Variants in ATRX observed in about 807,000 individuals in gnomAD.
ATRX encodes the protein ATRX chromatin remodeler.
ATRX carries 12 observed loss-of-function variants against 172.6 expected under a neutral mutation model. The ratio of observed to expected loss-of-function variants is 0.07; its 90% confidence interval spans 0.04 to 0.11. The LOEUF is 0.11. Among genes scored for constraint, ATRX ranks in the 10% least tolerant of loss-of-function variants. The pLI is 1.00. For missense variants in ATRX, 1,368 were observed against 1,767.4 expected (o/e 0.77, Z 4.05); for synonymous variants, 674 against 594.7 (o/e 1.13, Z -1.94).
At position 77,676,211 on chromosome X, in the gene ATRX, C is replaced by G. The variant is rs1346173878; in HGVS notation, c.3809+15G>C. On this transcript the variant is annotated intron_variant, in intron 10 of 34. Transcript: ENST00000373344. Reference sequence around the variant, plus strand: ...TGTTATAATCTTTTTAAAGTCCTTACAGATGGAATCATACCTATTCTCAGG... The same window carrying G: ...TGTTATAATCTTTTTAAAGTCCTTAGAGATGGAATCATACCTATTCTCAGG... 2 of 1,196,044 alleles carry G rather than the reference C, an allele frequency of 1.7e-6. No homozygotes were observed. Among genetic ancestry groups the G allele is most frequent in the Non-Finnish European group, 2.3e-6 (2 of 884,938 alleles).
chrX:77,743,281 C>T (rs953681093), intron 1 of ATRX, among the ~76,000 whole-genome samples: 3 of 111,098 alleles, frequency 2.7e-5, no homozygotes, highest in African/African-American at 6.6e-5. Flanking sequence ...ACACAACTCA[C>T]TCCTGGGACC....
At chrX:77,652,755 C>T (rs1218901005) in intron 14 of ATRX, among the ~76,000 whole-genome samples, 2 of 104,751 alleles carry the variant, frequency 1.9e-5, no homozygotes, top group African/African-American at 7.0e-5. Context: ...CGCAGGGAGC[C>T]GAGATCGTGC....
intron 1 of ATRX, among the ~76,000 whole-genome samples, chrX:77,779,536 A>T (rs1293558194): frequency 9.0e-6 from 1 of 111,096 alleles, no homozygotes; most frequent in African/African-American, 3.3e-5. Context: ...ACATCCCCCA[A>T]ATTAGGCTTT....
Position 77,734,623 on chromosome X carries a change from C to G in ATRX, c.21-17380G>C, listed in dbSNP as rs550583899. On this transcript the variant is annotated intron_variant, in intron 1 of 34. Coordinates refer to ENST00000373344, the MANE Select transcript of ATRX (RefSeq NM_000489.6). ...CCAACATGGTGAAACCCCGTCTCTA[C>G]TAAAAATACAAAAATTAGCTGGGCA... Among the ~76,000 whole-genome samples, 7 of 106,799 alleles carry G rather than the reference C, an allele frequency of 6.6e-5. No individual in the cohort carries two copies. In the South Asian group the frequency reaches 2.9e-3, roughly 45 times the overall value. 92.7% of individuals were successfully genotyped at this position (106,799 alleles called of 115,157 possible). A position where few individuals can be genotyped will look rare whatever the true frequency, so the allele number is the denominator to read the frequency against.
intron 29 of ATRX, among the ~76,000 whole-genome samples, chrX:77,558,081 T>G (rs2064864540): frequency 9.0e-6 from 1 of 111,103 alleles, no homozygotes; most frequent in Non-Finnish European, 1.9e-5. Flanking sequence ...AAAATGCCTT[T>G]ATATCGTTTT....
chrX:77,616,487 A>G (rs782192266), intron 22 of ATRX, 126 bp downstream of exon 22: 3 of 1,181,362 alleles, frequency 2.5e-6, no homozygotes, highest in Non-Finnish European at 3.4e-6. Flanking sequence ...GCTTTTAAGC[A>G]TACCCATTTT....
chrX:77,739,875 C>T (rs2074774610), intron 1 of ATRX, among the ~76,000 whole-genome samples: 1 of 107,778 alleles, frequency 9.3e-6, no homozygotes. Context: ...CATGACGAAA[C>T]CCCATCTCTA....
rs1210714565 is a variant in ATRX at position 77,685,721 on chromosome X, C to G, written c.595-715G>C. On this transcript the variant is annotated intron_variant, in intron 7 of 34. Coordinates refer to ENST00000373344, the MANE Select transcript of ATRX (RefSeq NM_000489.6). ...CACAAAAGAAAGGAAATGAGTATAT[C>G]AAAGAGATACTGGCACTCCTATGAT... 2.7e-5 allele frequency among the ~76,000 whole-genome samples: 3 copies of G among 111,733 alleles called. No individual in the cohort carries two copies. The East Asian group carries it at 8.4e-4, about 31-fold the overall frequency.
At chrX:77,624,330 G>A (rs2067727335) in intron 19 of ATRX, among the ~76,000 whole-genome samples, 1 of 110,937 alleles carries the variant, frequency 9.0e-6, no homozygotes, top group African/African-American at 3.3e-5. Context: ...TCGCACCACT[G>A]CACTCCAGCC....
intron 30 of ATRX, among the ~76,000 whole-genome samples, chrX:77,539,552 G>A (rs1434167588): frequency 9.2e-6 from 1 of 108,827 alleles, no homozygotes; most frequent in Non-Finnish European, 1.9e-5. Flanking sequence ...GTGAGAAAAT[G>A]AATACGCTAA....
intron 1 of ATRX, among the ~76,000 whole-genome samples, chrX:77,774,639 C>T (rs1258408820): frequency 5.5e-5 from 6 of 108,479 alleles, no homozygotes; most frequent in African/African-American, 1.7e-4. Flanking sequence ...ATCGCGCCAC[C>T]GCACTCCAGC....
In ATRX at chrX:77,505,400, C is replaced by A. The variant is rs1232917149; in HGVS notation, c.*2951G>T. On this transcript the variant is annotated 3_prime_UTR_variant, in exon 35 of 35. Coordinates refer to ENST00000373344, the MANE Select transcript of ATRX (RefSeq NM_000489.6). The stretch of plus-strand genomic sequence containing the variant: ...TTTTCTATCAAGTGTGGGTTGGTAG[C>A]CCTGCTTGACTTAAAATGAGTGTTA... 5.8e-6 allele frequency: 1 copy of A among 172,277 alleles called. No homozygotes were observed. Among genetic ancestry groups the A allele is most frequent in the Admixed American group, 8.0e-5 (1 of 12,441 alleles). 14.2% of individuals were successfully genotyped at this position (172,277 alleles called of 1,213,427 possible). A position where few individuals can be genotyped will look rare whatever the true frequency, so the allele number is the denominator to read the frequency against.
At position 77,682,095 on chromosome X, in the gene ATRX, G is replaced by C. The variant is rs2148580445; in HGVS notation, c.3161C>G (p.Ser1054Cys). 1 of 1,209,388 alleles carries C rather than the reference G, an allele frequency of 8.3e-7. No homozygotes were observed. The change falls in exon 9 of 35, where the codon TCT (serine) becomes TGT (cysteine). Residue 1054 changes from serine (S) to cysteine (C), a missense_variant. By Grantham distance (112) the Ser-to-Cys change is moderately radical. Transcript: ENST00000373344. ...KKSKKIRDKT[S>C]KKKDELSDYA... ...ATCAGATAATTCATCCTTCTTTTTA[G>C]AAGTTTTATCTCTTATTTTTTTACT... is the stretch of plus-strand genomic sequence containing the variant.
At chrX:77,572,134 G>A (rs1196350323) in intron 28 of ATRX, among the ~76,000 whole-genome samples, 2 of 110,526 alleles carry the variant, frequency 1.8e-5, no homozygotes, top group Non-Finnish European at 3.8e-5. Context: ...AACATCTGTG[G>A]ATTTCATGTG....
At chrX:77,676,623 G>A (rs1487836003) in intron 9 of ATRX, among the ~76,000 whole-genome samples, 1 of 111,694 alleles carries the variant, frequency 9.0e-6, no homozygotes, top group Non-Finnish European at 1.9e-5. Flanking sequence ...AATAACCTTC[G>A]TACTGGTCCA....
chrX:77,571,967 G>C lies in ATRX; in HGVS notation c.6326+2283C>G, dbSNP rs183160370. 3.0e-3 allele frequency among the ~76,000 whole-genome samples: 333 copies of C among 111,600 alleles called. 1 individual carries two copies. Among genetic ancestry groups the C allele is most frequent in the Non-Finnish European group, 4.9e-3 (259 of 52,950 alleles). On this transcript the variant is annotated intron_variant, in intron 28 of 34. Transcript: ENST00000373344. ...TTCAGATTGCTTTGGCATAAACAAG[G>C]ATTATATTTATATCCTATTTACTGA... is the stretch of plus-strand genomic sequence containing the variant.
intron 15 of ATRX, among the ~76,000 whole-genome samples, chrX:77,650,526 G>A (rs782336607): frequency 8.9e-6 from 1 of 111,843 alleles, no homozygotes; most frequent in Non-Finnish European, 1.9e-5. Flanking sequence ...GGTAAGAGAT[G>A]TAACATCCAA....
At chrX:77,636,086 G>C (rs2148361664) in intron 15 of ATRX, 30 bp from the exon 16 acceptor site, 1 of 1,203,545 alleles carries the variant, frequency 8.3e-7, no homozygotes, top group Non-Finnish European at 1.1e-6. Context: ...TGATAGTTAA[G>C]CTCAAAGAAA....
intron 1 of ATRX, among the ~76,000 whole-genome samples, chrX:77,722,963 G>T (rs1482946777): frequency 1.8e-5 from 2 of 112,141 alleles, no homozygotes; most frequent in African/African-American, 6.5e-5. Flanking sequence ...TGATAGACTG[G>T]ATAAAGAAAA....
Sources: gnomAD v4.1 joint callset for allele counts (sites outside exome capture counted in the v4.1 genomes callset) on GRCh38, gnomAD v4.1.1 for gene constraint, MANE v1.5 for transcripts, NCBI Gene and HGNC (gene_info 2026-07-23, HGNC 2026-07-21) for gene names.